Variants in TG observed in about 807,000 individuals in gnomAD.
TG encodes the protein thyroglobulin, also known as thyroid hormones.
In TG, 270 loss-of-function variants were observed where a neutral mutation model predicts 324.7. The observed-to-expected ratio is 0.83, with a 90% confidence interval of 0.75 to 0.92. The LOEUF is 0.92. TG is among the 40% of genes least tolerant of loss of function. TG has a pLI of 0.00. For missense variants in TG, 3,591 were observed against 3,456.4 expected, an observed-to-expected ratio of 1.04 and a Z score of -0.98; for synonymous variants, 1,401 against 1,327.0, an observed-to-expected ratio of 1.06 and a Z score of -1.21.
intron 41 of TG, among the ~76,000 whole-genome samples, chr8:133,062,554 G>A (rs1174852411): frequency 1.2e-4 from 18 of 152,256 alleles, no homozygotes; most frequent in Admixed American, 9.2e-4. Flanking sequence ...TCCGAGGCCC[G>A]GGTCAGGCAA....
chr8:132,883,116 C>T, intron 8 of TG, 117 bp downstream of exon 8: 5 of 1,111,384 alleles, frequency 4.5e-6, no homozygotes, highest in Admixed American at 2.5e-5. Context: ...GCCCCTCTGG[C>T]CCTTCAAGCT....
At chr8:133,099,631 A>T (rs1055470468) in intron 43 of TG, among the ~76,000 whole-genome samples, 5 of 152,094 alleles carry the variant, frequency 3.3e-5, no homozygotes, top group Admixed American at 2.0e-4. Context: ...CTCTGCTCCC[A>T]TCCCCAACCA....
At chr8:133,120,616 C>T (rs1454255513) in intron 45 of TG, among the ~76,000 whole-genome samples, 2 of 152,192 alleles carry the variant, frequency 1.3e-5, no homozygotes, top group South Asian at 2.1e-4. Flanking sequence ...TATTTCTTTA[C>T]GTCGTCTTTC....
Position 133,021,985 on chromosome 8 carries a change from C to T in TG, c.6877-6C>T. The T allele has an allele frequency of 6.2e-7, 1 of 1,614,106 alleles. No homozygotes were observed. The highest frequency in any genetic ancestry group is 8.5e-7 in the Non-Finnish European group (1 of 1,180,014). On this transcript the variant is annotated splice_region_variant and splice_polypyrimidine_tract_variant and intron_variant, in intron 39 of 47. Transcript: ENST00000220616. ...CTTTAGCCTCATGTTTCTCCAATAC[C>T]CACAGGCCCCTAACGCGTCTGTGCT... is the stretch of plus-strand genomic sequence containing the variant.
chr8:132,994,770 T>C, intron 35 of TG: 1 of 1,288,452 alleles, frequency 7.8e-7, no homozygotes, highest in Non-Finnish European at 1.0e-6. Flanking sequence ...GAGTGAGGGC[T>C]TCCGTATAAC....
intron 44 of TG, 95 bp from the exon 45 acceptor site, chr8:133,116,514 C>T: frequency 1.7e-6 from 2 of 1,170,200 alleles, no homozygotes; most frequent in Non-Finnish European, 2.6e-6. Flanking sequence ...GGGTTGGGGG[C>T]CCAGGGGGCC....
At chr8:132,947,403 G>A (rs745658122) in intron 26 of TG, among the ~76,000 whole-genome samples, 1 of 152,058 alleles carries the variant, frequency 6.6e-6, no homozygotes, top group African/African-American at 2.4e-5. Flanking sequence ...GACCTGGAAG[G>A]CCACTTAAAA....
chr8:133,004,430 G>C (rs1833841394), intron 35 of TG, among the ~76,000 whole-genome samples: 1 of 152,082 alleles, frequency 6.6e-6, no homozygotes, highest in Admixed American at 6.5e-5. Context: ...TGTGACCTGG[G>C]GCTGCCTCTG....
At chr8:133,081,659 G>A (rs1207880000) in intron 41 of TG, among the ~76,000 whole-genome samples, 7 of 152,188 alleles carry the variant, frequency 4.6e-5, no homozygotes, top group Non-Finnish European at 5.9e-5. Flanking sequence ...ATGTTGATTC[G>A]TTCAAGCTGT....
At position 132,971,843 on chromosome 8, in the gene TG, T is replaced by C; in HGVS notation, c.6025T>C (p.Phe2009Leu). 2 of 1,613,712 alleles carry C rather than the reference T, an allele frequency of 1.2e-6. No homozygotes were observed. Among genetic ancestry groups the C allele is most frequent in the African/African-American group, 2.7e-5 (2 of 75,020 alleles). The change falls in exon 33 of 48, where the codon TTT becomes CTT. Residue 2009 changes from phenylalanine (F) to leucine (L), a missense_variant. Physicochemically the swap from Phe to Leu is conservative, Grantham distance 22. Transcript: ENST00000220616. Reference protein sequence around the residue: ...RCDADPCCTGFGFLNVSQLKG... With the variant: ...RCDADPCCTGLGFLNVSQLKG... ...CGATGCGGACCCATGCTGCACTGGC[T>C]TTGGATTTCTAAATGTTTCCCAGTT...
At chr8:132,972,864 A>G in intron 34 of TG, 123 bp downstream of exon 34, 1 of 1,328,570 alleles carries the variant, frequency 7.5e-7, no homozygotes, top group Non-Finnish European at 1.1e-6. Context: ...TTCAAGCAAC[A>G]GAAATAGATT....
At chr8:133,105,550 T>G (rs902647270) in intron 43 of TG, among the ~76,000 whole-genome samples, 3 of 152,114 alleles carry the variant, frequency 2.0e-5, no homozygotes, top group Admixed American at 6.5e-5. Flanking sequence ...CACATATGGA[T>G]GACGAAGATA....
chr8:133,030,986 C>G (rs1836585611), intron 41 of TG, among the ~76,000 whole-genome samples: 3 of 152,110 alleles, frequency 2.0e-5, no homozygotes, highest in African/African-American at 7.2e-5. Context: ...TATTTGTTTG[C>G]TTGTTTGTTT....
chr8:133,002,838 C>A, intron 35 of TG: 1 of 217,172 alleles, frequency 4.6e-6, no homozygotes, highest in Non-Finnish European at 8.6e-6. Context: ...AAGAATCATG[C>A]CCTTGTTCAT....
rs1465661652 is a variant in TG at position 132,888,041 on chromosome 8, T to A, written c.2234T>A (p.Leu745Gln). ...GCTTTCCTCAGGACGGTGCAGGCCC[T>A]GCTCTCTAACTCCAGCATGCTACCC... Reference protein sequence around the residue: ...EQAFLRTVQALLSNSSMLPTL... With the variant: ...EQAFLRTVQAQLSNSSMLPTL... The change falls in exon 10 of 48, where the codon CTG becomes CAG. Residue 745 changes from leucine to glutamine, a missense_variant. Transcript: ENST00000220616. 1 of 1,614,158 alleles carries A rather than the reference T, an allele frequency of 6.2e-7. No homozygotes were observed. Among genetic ancestry groups the A allele is most frequent in the African/African-American group, 1.3e-5 (1 of 75,032 alleles).
At chr8:133,079,832 A>C (rs770740047) in intron 41 of TG, among the ~76,000 whole-genome samples, 6 of 152,124 alleles carry the variant, frequency 3.9e-5, no homozygotes, top group Admixed American at 1.3e-4. Flanking sequence ...AATGCAAGGC[A>C]TGACACTTGG....
rs2132407118 is a variant in TG, at chr8:132,914,882, C to G, written c.4378+1617C>G. 2.0e-5 allele frequency among the ~76,000 whole-genome samples: 3 copies of G among 152,300 alleles called. No individual in the cohort carries two copies. The East Asian group carries it at 5.8e-4, about 29-fold the overall frequency. On this transcript the variant is annotated intron_variant, in intron 20 of 47. Coordinates refer to ENST00000220616, the MANE Select transcript of TG (RefSeq NM_003235.5). Reference sequence around the variant, plus strand: ...AGAGAGAGCACCTGCCCCATGTTCACAGACTTTACTGTGAAGAGCCCTTGG... The same window carrying G: ...AGAGAGAGCACCTGCCCCATGTTCAGAGACTTTACTGTGAAGAGCCCTTGG...
Position 132,887,531 on chromosome 8 carries a change from T to G in TG, c.2159T>G (p.Ile720Arg). 1.2e-6 allele frequency: 2 copies of G among 1,614,192 alleles called. No homozygotes were observed. The highest frequency in any genetic ancestry group is 8.5e-7 in the Non-Finnish European group (1 of 1,180,036). The change falls in exon 9 of 48, where the codon ATA (isoleucine) becomes AGA (arginine). Residue 720 changes from isoleucine to arginine, a missense_variant. Ile to Arg is a moderately conservative substitution (Grantham distance 97, BLOSUM62 -3). Coordinates refer to ENST00000220616, the MANE Select transcript of TG (RefSeq NM_003235.5). ...GQAIPGTRSA[I>R]GKPKKCPTPC... ...GCCATTCCTGGAACTCGAAGTGCAATAGGGAAGCCCAAGAAATGTAAGTCT... is the reference window on the plus strand; with the variant it reads ...GCCATTCCTGGAACTCGAAGTGCAAGAGGGAAGCCCAAGAAATGTAAGTCT...
At chr8:133,035,597 A>G (rs1227511790) in intron 41 of TG, among the ~76,000 whole-genome samples, 3 of 152,210 alleles carry the variant, frequency 2.0e-5, no homozygotes, top group Non-Finnish European at 4.4e-5. Flanking sequence ...CAGTTGCTTA[A>G]TATATTCTGA....
Sources: gnomAD v4.1 joint callset for allele counts (sites outside exome capture counted in the v4.1 genomes callset) on GRCh38, gnomAD v4.1.1 for gene constraint, MANE v1.5 for transcripts, NCBI Gene and HGNC (gene_info 2026-07-23, HGNC 2026-07-21) for gene names.